Variants in NREP observed in about 807,000 individuals in gnomAD.
NREP encodes neuronal regeneration related protein, also known as neuronal regeneration-related protein.
Under a neutral mutation model 8.6 loss-of-function variants are expected in NREP, and 5 were observed. The observed-to-expected ratio is 0.58, with a 90% CI of 0.30 to 1.22. The LOEUF is 1.22. Ranked by LOEUF, NREP falls within the 50% of genes most tolerant of loss-of-function variation. NREP has a pLI of 0.07. For synonymous variants in NREP, 27 were observed against 28.0 expected (o/e 0.96, Z 0.11); for missense variants, 86 against 82.5 (o/e 1.04, Z -0.17).
At chr5:111,827,223 C>T (rs1752650568) in intron 2 of NREP, among the ~76,000 whole-genome samples, 1 of 152,122 alleles carries the variant, frequency 6.6e-6, no homozygotes, top group African/African-American at 2.4e-5. Context: ...GATAAAACTT[C>T]ACTAGTGGAA....
chr5:111,917,117 C>T (rs1170073951), intron 2 of NREP, among the ~76,000 whole-genome samples: 2 of 152,060 alleles, frequency 1.3e-5, no homozygotes, highest in Non-Finnish European at 2.9e-5. Flanking sequence ...GGGCTTCCCG[C>T]ATGCATGGTG....
chr5:111,962,195 C>A (rs907500431), intron 2 of NREP, among the ~76,000 whole-genome samples: 5 of 152,134 alleles, frequency 3.3e-5, no homozygotes, highest in African/African-American at 1.2e-4. Flanking sequence ...TTTTTAATCA[C>A]CTACAGTTCC....
intron 2 of NREP, chr5:111,939,967 T>C (rs1307193638): frequency 6.6e-6 from 1 of 152,116 alleles, no homozygotes; most frequent in Middle Eastern, 3.2e-3. Context: ...TATAGGAATC[T>C]GACTCTTTAT....
intron 2 of NREP, among the ~76,000 whole-genome samples, chr5:111,937,780 C>G (rs1755723882): frequency 6.6e-6 from 1 of 152,004 alleles, no homozygotes; most frequent in Admixed American, 6.6e-5. Flanking sequence ...CCTGTCCCAC[C>G]AGGTAACTCA....
intron 2 of NREP, among the ~76,000 whole-genome samples, chr5:111,826,835 G>A (rs1334288144): frequency 2.6e-5 from 4 of 152,086 alleles, no homozygotes; most frequent in African/African-American, 9.7e-5. Flanking sequence ...ACACCTAGCC[G>A]GAAGTATAAT....
intron 2 of NREP, among the ~76,000 whole-genome samples, chr5:111,937,057 T>C (rs1366211500): frequency 2.0e-5 from 3 of 152,080 alleles, no homozygotes; most frequent in African/African-American, 7.2e-5. Context: ...TTCTTTACAA[T>C]TGACAATAGG....
chr5:111,766,481 G>C (rs1344517190), intron 2 of NREP, among the ~76,000 whole-genome samples: 1 of 152,192 alleles, frequency 6.6e-6, no homozygotes, highest in African/African-American at 2.4e-5. Flanking sequence ...CTATTCATCA[G>C]AGAAAAATCT....
intron 2 of NREP, among the ~76,000 whole-genome samples, chr5:111,851,850 T>C (rs1165573256): frequency 1.3e-5 from 2 of 152,214 alleles, no homozygotes; most frequent in African/African-American, 2.4e-5. Context: ...AATGAGCATG[T>C]ATTTCAAAAC....
chr5:111,887,161 C>G (rs1396606777), intron 2 of NREP, among the ~76,000 whole-genome samples: 1 of 152,026 alleles, frequency 6.6e-6, no homozygotes, highest in Admixed American at 6.6e-5. Context: ...TGGGTTCCAG[C>G]AATCTTCCTT....
chr5:111,817,203 A>T (rs1752402817), intron 2 of NREP, among the ~76,000 whole-genome samples: 1 of 152,174 alleles, frequency 6.6e-6, no homozygotes, highest in Admixed American at 6.5e-5. Context: ...TACAATCACA[A>T]TTACGTTATC....
chr5:111,848,453 C>T (rs1447534244), intron 2 of NREP, among the ~76,000 whole-genome samples: 1 of 152,084 alleles, frequency 6.6e-6, no homozygotes, highest in Non-Finnish European at 1.5e-5. Flanking sequence ...CTCCCAGTAG[C>T]ACCTTGGATA....
chr5:111,881,444 A>T (rs1340872717), intron 2 of NREP, among the ~76,000 whole-genome samples: 2 of 152,178 alleles, frequency 1.3e-5, no homozygotes, highest in African/African-American at 4.8e-5. Flanking sequence ...TGCAGACTTA[A>T]ATGTCCCTGT....
chr5:111,971,642 A>C (rs1466484350), intron 2 of NREP, among the ~76,000 whole-genome samples: 2 of 152,246 alleles, frequency 1.3e-5, no homozygotes, highest in African/African-American at 2.4e-5. Flanking sequence ...CCTCTTCAGT[A>C]AACAGTGTTG....
At chr5:111,804,185 C>T (rs1023475331) in intron 2 of NREP, among the ~76,000 whole-genome samples, 1 of 151,962 alleles carries the variant, frequency 6.6e-6, no homozygotes, top group African/African-American at 2.4e-5. Context: ...AGCACATGAA[C>T]GTTAGAACCA....
chr5:111,806,660 C>T (rs781117621), intron 2 of NREP, among the ~76,000 whole-genome samples: 5 of 152,146 alleles, frequency 3.3e-5, no homozygotes, highest in Non-Finnish European at 7.4e-5. Context: ...CGAATTCAGT[C>T]CTTTCTAGCC....
intron 2 of NREP, among the ~76,000 whole-genome samples, chr5:111,812,306 C>A (rs1321112937): frequency 6.6e-6 from 1 of 151,958 alleles, no homozygotes; most frequent in African/African-American, 2.4e-5. Context: ...AACAAACAAA[C>A]AAACAAACAA....
At chr5:111,809,012 T>C (rs1752207826) in intron 2 of NREP, among the ~76,000 whole-genome samples, 1 of 152,268 alleles carries the variant, frequency 6.6e-6, no homozygotes, top group Non-Finnish European at 1.5e-5. Flanking sequence ...CCATCATTTG[T>C]ACATCTTCCA....
chr5:111,912,844 G>A (rs1029164826), intron 2 of NREP: 9 of 152,088 alleles, frequency 5.9e-5, no homozygotes, highest in African/African-American at 1.7e-4. Context: ...GTTGTTTGAT[G>A]AATAGCTGGA....
At chr5:111,971,230 T>C (rs903902859) in intron 2 of NREP, among the ~76,000 whole-genome samples, 1 of 152,224 alleles carries the variant, frequency 6.6e-6, no homozygotes, top group African/African-American at 2.4e-5. Context: ...TTTACACTAA[T>C]GACTGATTAA....
Sources: gnomAD v4.1 joint callset for allele counts (sites outside exome capture counted in the v4.1 genomes callset) on GRCh38, gnomAD v4.1.1 for gene constraint, MANE v1.5 for transcripts, NCBI Gene and HGNC (gene_info 2026-07-23, HGNC 2026-07-21) for gene names.